BCL2L10: variants seen among roughly 807,000 people sequenced by gnomAD.
BCL2L10 encodes bcl-2-like protein 10.
BCL2L10 carries 14 observed loss-of-function variants against 11.1 expected under a neutral mutation model. The ratio of observed to expected loss-of-function variants is 1.26; its 90% CI spans 0.83 to 1.96. The LOEUF is 1.96. Ranked by LOEUF, BCL2L10 falls within the 30% of genes most tolerant of loss-of-function variation. BCL2L10 has a pLI of 0.00. For missense variants in BCL2L10, 309 were observed against 273.9 expected (o/e 1.13, Z -0.90); for synonymous variants, 154 against 133.4 (o/e 1.15, Z -1.07).
Position 52,109,563 on chromosome 15 carries a change from C to A in BCL2L10, c.*285G>T. The A allele has an allele frequency of 3.2e-6, 1 of 312,240 alleles. No individual in the cohort carries two copies. Among genetic ancestry groups the A allele is most frequent in the Non-Finnish European group, 5.8e-6 (1 of 171,598 alleles). The allele number at this position is 312,240 out of a possible 1,614,324, so 19.3% of individuals were successfully genotyped here. ...TTTTAGCAAATAGCACTGTATTTCC[C>A]ATTTAATGGAATGCAGTTTCTTCTG... On this transcript the variant is annotated 3_prime_UTR_variant, in exon 2 of 2. Transcript: ENST00000260442.
In BCL2L10 at chr15:52,109,808, C is replaced by A; in HGVS notation, c.*40G>T. The A allele has an allele frequency of 6.2e-7, 1 of 1,606,832 alleles. No homozygotes were observed. Among genetic ancestry groups the A allele is most frequent in the South Asian group, 1.1e-5 (1 of 89,810 alleles). On this transcript the variant is annotated 3_prime_UTR_variant, in exon 2 of 2. Coordinates refer to ENST00000260442, the MANE Select transcript of BCL2L10 (RefSeq NM_020396.4). ...CTCACACATCTGTCATTTAGTTGGT[C>A]ACAGTTGGGCAGGTAGAAGCGGGTT...
Position 52,109,764 on chromosome 15 carries a change from C to A in BCL2L10, c.*84G>T, listed in dbSNP as rs1465309101. On this transcript the variant is annotated 3_prime_UTR_variant, in exon 2 of 2. Transcript: ENST00000260442. ...AAAACGTCTGGGGTGGGGGAAGGTG[C>A]TTTCCCTCAGTTCTTGTTCTCACAC... 1.3e-6 allele frequency: 2 copies of A among 1,556,384 alleles called. No homozygotes were observed. The highest frequency in any genetic ancestry group is 2.7e-5 in the African/African-American group (2 of 72,878).
Position 52,112,511 on chromosome 15 carries a change from C to T in BCL2L10, c.216G>A (p.Gly72=). 1 of 1,597,550 alleles carries T rather than the reference C, an allele frequency of 6.3e-7. No homozygotes were observed. Among genetic ancestry groups the T allele is most frequent in the Non-Finnish European group, 8.5e-7 (1 of 1,176,514 alleles). Residue 72 remains glycine (G), a synonymous_variant, in exon 1 of 2, where the codon GGG becomes GGA. Coordinates refer to ENST00000260442, the MANE Select transcript of BCL2L10 (RefSeq NM_020396.4). ...SFFSAYLGYP[G]NRFELVALMA... ...TCAGCGCCACCAGCTCGAAGCGGTT[C>T]CCGGGGTAGCCGAGGTAGGCGGAGA...
At position 52,112,743 on chromosome 15, in the gene BCL2L10, G is replaced by T. The variant is rs1412503820; in HGVS notation, c.-17C>A. 1 of 1,514,510 alleles carries T rather than the reference G, an allele frequency of 6.6e-7. No homozygotes were observed. Among genetic ancestry groups the T allele is most frequent in the Non-Finnish European group, 8.8e-7 (1 of 1,137,792 alleles). 93.8% of individuals were successfully genotyped at this position (1,514,510 alleles called of 1,614,324 possible). A position where few individuals can be genotyped will look rare whatever the true frequency, so the allele number is the denominator to read the frequency against. On this transcript the variant is annotated 5_prime_UTR_variant, in exon 1 of 2. Transcript: ENST00000260442. ...GTCAACCATGGTCCGGCCTCTGCTG[G>T]GGGGCCGGGCCTTCGCTGGTTTTCT... is the stretch of plus-strand genomic sequence containing the variant.
At chr15:52,112,751 GGCCTTCGCTGGTTTTCTTGGCCCGGCCGC>G (rs968012779) in exon 1 of BCL2L10, 6 of 1,501,722 alleles carry the variant, frequency 4.0e-6, no homozygotes, top group Non-Finnish European at 5.3e-6. Flanking sequence ...TGGGGGGCCG[GGCCTTCGCTGGTTTTCTTGGCCCGGCCGC>G]GCCTCCCCCA....
chr15:52,112,019 G>A (rs3751601), intron 1 of BCL2L10: 164,079 of 925,750 alleles, frequency 0.18, 17,681 homozygotes, highest in African/African-American at 0.45. Context: ...AACGGTTCAC[G>A]GCCGTCTAAG....
chr15:52,109,874 T>G lies in BCL2L10; in HGVS notation c.589A>C (p.Ile197Leu), dbSNP rs770058262. The G allele has an allele frequency of 2.5e-6, 4 of 1,613,744 alleles. No individual in the cohort carries two copies. The highest frequency in any genetic ancestry group is 1.7e-5 in the Admixed American group (1 of 59,976). Reference protein sequence around the residue: ...FLSCLLTTAFIYLWTRLL With the variant: ...FLSCLLTTAFLYLWTRLL ...CATAATAATCGTGTCCAGAGATAAA[T>G]GAAGGCTGTTGTTAACAAGCATGAC... The change falls in exon 2 of 2, where the codon ATT (isoleucine) becomes CTT (leucine). Residue 197 changes from isoleucine (I) to leucine (L), a missense_variant. Ile to Leu is a conservative substitution (Grantham distance 5). Coordinates refer to ENST00000260442, the MANE Select transcript of BCL2L10 (RefSeq NM_020396.4).
rs1286901776 is a variant in BCL2L10 at position 52,112,295 on chromosome 15, C to T, written c.432G>A (p.Leu144=). The T allele has an allele frequency of 3.2e-6, 5 of 1,562,778 alleles. No individual in the cohort carries two copies. The East Asian group carries it at 1.2e-4, about 37-fold the overall frequency. The change falls in exon 1 of 2, where the codon TTG becomes TTA. Residue 144 remains leucine (L), a synonymous_variant. Transcript: ENST00000260442. The part of the protein sequence containing the change: ...VARDCQRLVA[L]LSSRLMGQHR... ...GCTGCCCCATGAGCCGCGAGCTCAG[C>T]AAGGCCACCAGGCGCTGGCAGTCCC...
Position 52,112,736 on chromosome 15 carries a change from T to A in BCL2L10, c.-10A>T. The A allele has an allele frequency of 6.6e-7, 1 of 1,520,672 alleles. No homozygotes were observed. The highest frequency in any genetic ancestry group is 8.8e-7 in the Non-Finnish European group (1 of 1,140,088). 94.2% of individuals were successfully genotyped at this position (1,520,672 alleles called of 1,614,324 possible). A position where few individuals can be genotyped will look rare whatever the true frequency, so the allele number is the denominator to read the frequency against. On this transcript the variant is annotated 5_prime_UTR_variant, in exon 1 of 2. Coordinates refer to ENST00000260442, the MANE Select transcript of BCL2L10 (RefSeq NM_020396.4). ...GCAACTGGTCAACCATGGTCCGGCC[T>A]CTGCTGGGGGGCCGGGCCTTCGCTG...
At chr15:52,110,556 C>T (rs28656256) in intron 1 of BCL2L10, among the ~76,000 whole-genome samples, 7,996 of 152,144 alleles carry the variant, frequency 0.053, 702 homozygotes, top group African/African-American at 0.18. Flanking sequence ...GGCTCAGCCT[C>T]CCTAGTAGCT....
chr15:52,112,121 C>A, intron 1 of BCL2L10, 117 bp downstream of exon 1: 1 of 1,391,020 alleles, frequency 7.2e-7, no homozygotes, highest in Non-Finnish European at 9.3e-7. Context: ...AGCCTTTCTG[C>A]TTTCACGAAA....
In BCL2L10 at chr15:52,109,344, G is replaced by C. The variant is rs1009019137; in HGVS notation, c.*504C>G. On this transcript the variant is annotated 3_prime_UTR_variant, in exon 2 of 2. Transcript: ENST00000260442. ...TTAGTATGTTAACTATAAAAACCTAGAAGTCCCAGGAATTAGATTTCAAAG... is the reference window on the plus strand; with the variant it reads ...TTAGTATGTTAACTATAAAAACCTACAAGTCCCAGGAATTAGATTTCAAAG... 1 of 152,332 alleles carries C rather than the reference G, an allele frequency of 6.6e-6. No individual in the cohort carries two copies. The highest frequency in any genetic ancestry group is 6.5e-5 in the Admixed American group (1 of 15,294). 9.4% of individuals were successfully genotyped at this position (152,332 alleles called of 1,614,324 possible).
In BCL2L10 at chr15:52,112,646, C is replaced by T; in HGVS notation, c.81G>A (p.Leu27=). The change falls in exon 1 of 2, where the codon CTG becomes CTA. Residue 27 remains leucine, a synonymous_variant. Transcript: ENST00000260442. The part of the protein sequence containing the change: ...ERTELLLADY[L]GYCAREPGTP... ...TGCCGGGTTCCCGGGCGCAGTACCC[C>T]AGGTAGTCGGCCAGCAACAGCTCGG... The T allele has an allele frequency of 1.3e-6, 2 of 1,560,170 alleles. No individual in the cohort carries two copies. Among genetic ancestry groups the T allele is most frequent in the Admixed American group, 1.9e-5 (1 of 53,440 alleles).
At position 52,112,275 on chromosome 15, in the gene BCL2L10, C is replaced by G; in HGVS notation, c.452G>C (p.Gly151Ala). 6.5e-7 allele frequency: 1 copy of G among 1,544,782 alleles called. No homozygotes were observed. Among genetic ancestry groups the G allele is most frequent in the Non-Finnish European group, 8.7e-7 (1 of 1,151,822 alleles). Reference protein sequence around the residue: ...LVALLSSRLMGQHRAWLQAQG... With the variant: ...LVALLSSRLMAQHRAWLQAQG... Reference sequence around the variant, plus strand: ...AGCCTGCAGCCAGGCGCGGTGCTGCCCCATGAGCCGCGAGCTCAGCAAGGC... The same window carrying G: ...AGCCTGCAGCCAGGCGCGGTGCTGCGCCATGAGCCGCGAGCTCAGCAAGGC... The change falls in exon 1 of 2, where the codon GGG becomes GCG. Residue 151 changes from glycine (G) to alanine (A), a missense_variant. Physicochemically the swap from Gly to Ala is moderately conservative, Grantham distance 60. Coordinates refer to ENST00000260442, the MANE Select transcript of BCL2L10 (RefSeq NM_020396.4).
intron 1 of BCL2L10, among the ~76,000 whole-genome samples, chr15:52,111,180 AC>A (rs2033049566): frequency 8.5e-6 from 1 of 118,264 alleles, no homozygotes. Flanking sequence ...GAAAACACAC[AC>A]ACACACACAC....
In BCL2L10 at chr15:52,110,814, G is replaced by A. The variant is rs142859100; in HGVS notation, c.490-841C>T. On this transcript the variant is annotated intron_variant, in intron 1 of 1. Coordinates refer to ENST00000260442, the MANE Select transcript of BCL2L10 (RefSeq NM_020396.4). ...AAAAACAACAAAAAAAGGCTTCAACGGCCCCTTTCCAATTCTAATCTCTTC... is the reference window on the plus strand; with the variant it reads ...AAAAACAACAAAAAAAGGCTTCAACAGCCCCTTTCCAATTCTAATCTCTTC... 3.6e-3 allele frequency among the ~76,000 whole-genome samples: 547 copies of A among 152,212 alleles called. 5 individuals are homozygous for A. Among genetic ancestry groups the A allele is most frequent in the Non-Finnish European group, 6.1e-3 (415 of 68,000 alleles).
chr15:52,109,793 T>C lies in BCL2L10; in HGVS notation c.*55A>G. The C allele has an allele frequency of 6.3e-7, 1 of 1,599,690 alleles. No individual in the cohort carries two copies. Among genetic ancestry groups the C allele is most frequent in the Non-Finnish European group, 8.5e-7 (1 of 1,171,142 alleles). On this transcript the variant is annotated 3_prime_UTR_variant, in exon 2 of 2. Coordinates refer to ENST00000260442, the MANE Select transcript of BCL2L10 (RefSeq NM_020396.4). Reference sequence around the variant, plus strand: ...CCCTCAGTTCTTGTTCTCACACATCTGTCATTTAGTTGGTCACAGTTGGGC... The same window carrying C: ...CCCTCAGTTCTTGTTCTCACACATCCGTCATTTAGTTGGTCACAGTTGGGC...
chr15:52,110,790 A>G (rs907350353), intron 1 of BCL2L10, among the ~76,000 whole-genome samples: 1 of 152,144 alleles, frequency 6.6e-6, no homozygotes, highest in Non-Finnish European at 1.5e-5. Flanking sequence ...TGATTAGCCA[A>G]AAACAACAAA....
rs997136359 is a variant in BCL2L10 at position 52,109,326 on chromosome 15, G to A, written c.*522C>T. ...TAACAATTATTGAAGAAATTAGTAT[G>A]TTAACTATAAAAACCTAGAAGTCCC... On this transcript the variant is annotated 3_prime_UTR_variant, in exon 2 of 2. Coordinates refer to ENST00000260442, the MANE Select transcript of BCL2L10 (RefSeq NM_020396.4). The A allele has an allele frequency of 6.6e-6, 1 of 152,310 alleles. No individual in the cohort carries two copies. Among genetic ancestry groups the A allele is most frequent in the Middle Eastern group, 3.4e-3 (1 of 292 alleles). 9.4% of individuals were successfully genotyped at this position (152,310 alleles called of 1,614,324 possible). A position where few individuals can be genotyped will look rare whatever the true frequency, so the allele number is the denominator to read the frequency against.
Sources: allele counts gnomAD v4.1 joint callset (sites outside exome capture counted in the v4.1 genomes callset), GRCh38; gene constraint gnomAD v4.1.1; transcripts MANE v1.5; gene names NCBI Gene and HGNC (gene_info 2026-07-23, HGNC 2026-07-21).